The following PDE1A variants were observed in gnomAD, a reference collection of about 807,000 sequenced individuals.
PDE1A encodes the protein dual specificity calcium/calmodulin-dependent 3',5'-cyclic nucleotide phosphodiesterase 1A.
PDE1A carries 35 observed loss-of-function variants against 61.7 expected under a neutral mutation model. The ratio of observed to expected loss-of-function variants is 0.57; its 90% CI spans 0.43 to 0.75. The LOEUF is 0.75. PDE1A is among the 30% of genes least tolerant of loss of function. The pLI is 0.00. For synonymous variants in PDE1A, 232 were observed against 213.2 expected, an observed-to-expected ratio of 1.09 and a Z score of -0.77; for missense variants, 597 against 630.6, an observed-to-expected ratio of 0.95 and a Z score of 0.57.
rs148572435 is a variant in PDE1A, at chr2:182,306,476, C to CCA, written c.54-42064_54-42063dup. ...AAAAAATCCAAAAATTCATATGGAACCACACACACACACACACACACACAA... is the reference window on the plus strand; with the variant it reads ...AAAAAATCCAAAAATTCATATGGAACCACACACACACACACACACACACACAA... On this transcript the variant is annotated intron_variant, in intron 1 of 13. Coordinates refer to ENST00000351439, the Ensembl canonical transcript of PDE1A. Among the ~76,000 whole-genome samples the CCA allele has an allele frequency of 8.0e-3, 1,196 of 148,878 alleles. 9 individuals are homozygous for CCA. Among genetic ancestry groups the CCA allele is most frequent in the African/African-American group, 0.019 (776 of 40,662 alleles).
the PDE1A span, among the ~76,000 whole-genome samples, chr2:182,565,049 A>G: frequency 6.6e-6 from 1 of 152,280 alleles, no homozygotes; most frequent in African/African-American, 2.4e-5. Context: ...TTCTTCTCTC[A>G]ACTCGTCAAA....
At chr2:182,234,522 A>C (rs530124288) in intron 3 of PDE1A, 24 bp from the exon 4 acceptor site, 24 of 1,430,940 alleles carry the variant, frequency 1.7e-5, no homozygotes, top group Non-Finnish European at 1.9e-5. Context: ...AAATAAGTGT[A>C]AATATAAAAT....
intron 1 of PDE1A, among the ~76,000 whole-genome samples, chr2:182,417,044 T>A (rs879505744): frequency 3.3e-5 from 5 of 152,184 alleles, no homozygotes; most frequent in Non-Finnish European, 5.9e-5. Context: ...AGTCACGCAA[T>A]AGACACACAC....
intron 1 of PDE1A, among the ~76,000 whole-genome samples, chr2:182,312,377 C>T (rs1436157879): frequency 1.3e-5 from 2 of 152,016 alleles, no homozygotes; most frequent in African/African-American, 4.8e-5. Context: ...ATTTGCCTAA[C>T]TCAAGATCAC....
intron 10 of PDE1A, among the ~76,000 whole-genome samples, chr2:182,191,540 G>C: frequency 6.6e-6 from 1 of 151,992 alleles, no homozygotes; most frequent in East Asian, 1.9e-4. Context: ...TGGTGCAAAA[G>C]TAATTGTGGT....
At position 182,201,793 on chromosome 2, in the gene PDE1A, CAG is replaced by C; in HGVS notation, c.903-6_903-5del. 2.5e-6 allele frequency: 4 copies of C among 1,573,074 alleles called. No individual in the cohort carries two copies. Among genetic ancestry groups the C allele is most frequent in the South Asian group, 1.2e-5 (1 of 86,048 alleles). On this transcript the variant is annotated splice_region_variant and splice_polypyrimidine_tract_variant and intron_variant, in intron 8 of 13. Transcript: ENST00000351439. ...AATCACTAGGTTCCGAAGATCCCTG[CAG>C]AGTCACCAAAAGGAGAAAGGTTCAT...
chr2:182,621,862 G>C, the PDE1A span, among the ~76,000 whole-genome samples: 1 of 152,140 alleles, frequency 6.6e-6, no homozygotes, highest in African/African-American at 2.4e-5. Flanking sequence ...TTTACAGGAT[G>C]TGAATTACAG....
intron 1 of PDE1A, among the ~76,000 whole-genome samples, chr2:182,354,821 T>C (rs1243589686): frequency 2.0e-5 from 3 of 152,170 alleles, no homozygotes; most frequent in Non-Finnish European, 4.4e-5. Context: ...GCTGGAACCT[T>C]AGACCAGAGG....
At chr2:182,324,389 T>C (rs833177) in intron 1 of PDE1A, among the ~76,000 whole-genome samples, 98,636 of 151,682 alleles carry the variant, frequency 0.65, 33,674 homozygotes, top group Middle Eastern at 0.79. Flanking sequence ...AATTCTAATT[T>C]TGTTAAATAT....
the PDE1A span, among the ~76,000 whole-genome samples, chr2:182,661,944 A>G: frequency 2.0e-5 from 3 of 152,000 alleles, no homozygotes; most frequent in Non-Finnish European, 4.4e-5. Flanking sequence ...AAACTGATAC[A>G]GTTTCAACTA....
chr2:182,713,640 CTAAA>C, the PDE1A span, among the ~76,000 whole-genome samples: 610 of 152,140 alleles, frequency 4.0e-3, 5 homozygotes, highest in African/African-American at 0.014. Flanking sequence ...TCAAAAAATA[CTAAA>C]TAAATAAATA....
chr2:182,454,714 A>G (rs1182589565), intron 2 of PDE1A, among the ~76,000 whole-genome samples: 2 of 151,968 alleles, frequency 1.3e-5, no homozygotes, highest in African/African-American at 2.4e-5. Flanking sequence ...CTGGCTAGCC[A>G]TATGTAGAAA....
the PDE1A span, among the ~76,000 whole-genome samples, chr2:182,680,939 T>C: frequency 6.6e-6 from 1 of 152,192 alleles, no homozygotes; most frequent in South Asian, 2.1e-4. Context: ...AATGAGATTA[T>C]TCAGAAATTT....
chr2:182,507,371 T>C (rs1399232326), intron 2 of PDE1A, among the ~76,000 whole-genome samples: 1 of 152,198 alleles, frequency 6.6e-6, no homozygotes, highest in East Asian at 1.9e-4. Flanking sequence ...AGTTGGGTAG[T>C]CCTCACTCAC....
chr2:182,682,461 T>G, the PDE1A span, among the ~76,000 whole-genome samples: 1 of 152,180 alleles, frequency 6.6e-6, no homozygotes, highest in African/African-American at 2.4e-5. Flanking sequence ...GTGTCTTATT[T>G]TCCAGATGCA....
chr2:182,669,835 C>T, the PDE1A span, among the ~76,000 whole-genome samples: 11 of 152,284 alleles, frequency 7.2e-5, no homozygotes, highest in South Asian at 1.9e-3. Flanking sequence ...GACGCACCTG[C>T]GTGTGCGTTC....
At chr2:182,171,128 A>T (rs967917105) in intron 13 of PDE1A, among the ~76,000 whole-genome samples, 3 of 152,048 alleles carry the variant, frequency 2.0e-5, no homozygotes, top group Non-Finnish European at 4.4e-5. Context: ...GCAAAAACAT[A>T]ATTTAAATAA....
chr2:182,704,710 T>C, the PDE1A span, among the ~76,000 whole-genome samples: 1 of 152,260 alleles, frequency 6.6e-6, no homozygotes, highest in Non-Finnish European at 1.5e-5. Context: ...AATCTCTTAA[T>C]GTTTGGCTTT....
intron 2 of PDE1A, among the ~76,000 whole-genome samples, chr2:182,500,515 A>G (rs1174630283): frequency 3.3e-5 from 5 of 152,218 alleles, no homozygotes; most frequent in Non-Finnish European, 2.9e-5. Flanking sequence ...CAAAAAATGC[A>G]AAGTATTACT....
Sources: allele counts gnomAD v4.1 joint callset (sites outside exome capture counted in the v4.1 genomes callset), GRCh38; gene constraint gnomAD v4.1.1; transcripts MANE v1.5; gene names NCBI Gene and HGNC (gene_info 2026-07-23, HGNC 2026-07-21).